The following KIZ variants were observed in gnomAD, a reference collection of about 807,000 sequenced individuals.
KIZ encodes the protein centrosomal protein kizuna.
Under a neutral mutation model 79.6 loss-of-function variants are expected in KIZ, and 68 were observed. The observed-to-expected ratio is 0.85, with a 90% CI of 0.70 to 1.05. The LOEUF (loss-of-function observed/expected upper bound fraction) is 1.05. KIZ is among the 50% of genes least tolerant of loss of function. KIZ has a pLI of 0.00. For missense variants in KIZ, 797 were observed against 800.4 expected, an observed-to-expected ratio of 1.00 and a Z score of 0.05; for synonymous variants, 280 against 281.8, an observed-to-expected ratio of 0.99 and a Z score of 0.06.
intron 10 of KIZ, among the ~76,000 whole-genome samples, chr20:21,231,534 A>C (rs1489942577): frequency 6.6e-6 from 1 of 152,162 alleles, no homozygotes; most frequent in Non-Finnish European, 1.5e-5. Flanking sequence ...ATTACACTAC[A>C]TGTTTTGCAA....
chr20:21,205,290 C>T (rs972585073), intron 6 of KIZ, among the ~76,000 whole-genome samples: 2 of 152,058 alleles, frequency 1.3e-5, no homozygotes, highest in African/African-American at 2.4e-5. Context: ...GTTGAGAATG[C>T]TCATTTAGCA....
intron 2 of KIZ, chr20:21,132,990 T>G (rs988187877): frequency 1.3e-5 from 2 of 152,248 alleles, no homozygotes; most frequent in South Asian, 4.1e-4. Flanking sequence ...GAGCAGATCT[T>G]AAATATTTTA....
At chr20:21,202,633 A>G (rs550950226) in intron 6 of KIZ, among the ~76,000 whole-genome samples, 106 of 152,222 alleles carry the variant, frequency 7.0e-4, no homozygotes, top group Non-Finnish European at 1.4e-3. Context: ...ACCTAGACTT[A>G]CTTTCTTTTC....
At position 21,169,382 on chromosome 20, in the gene KIZ, C is replaced by G. The variant is rs1268372989; in HGVS notation, c.1352+6223C>G. ...TGCAAATCAAAACCACAATGAGATA[C>G]CATCTCACACCAGTTAGAATGGCGA... On this transcript the variant is annotated intron_variant, in intron 6 of 12. Coordinates refer to ENST00000619189, the MANE Select transcript of KIZ (RefSeq NM_018474.6). 3.9e-5 allele frequency among the ~76,000 whole-genome samples: 6 copies of G among 151,998 alleles called. No homozygotes were observed. In the East Asian group the frequency reaches 5.8e-4, roughly 15 times the overall value.
At chr20:21,201,884 C>T (rs991893456) in intron 6 of KIZ, among the ~76,000 whole-genome samples, 1 of 152,212 alleles carries the variant, frequency 6.6e-6, no homozygotes, top group African/African-American at 2.4e-5. Flanking sequence ...ATGGCTGTTG[C>T]ACTTCTTGCC....
At chr20:21,140,985 G>A (rs1186552799) in intron 3 of KIZ, among the ~76,000 whole-genome samples, 2 of 151,832 alleles carry the variant, frequency 1.3e-5, no homozygotes, top group Non-Finnish European at 2.9e-5. Flanking sequence ...TAGCCCTGGC[G>A]ACAGAGCAAG....
chr20:21,201,783 A>G (rs1333591284), intron 6 of KIZ, among the ~76,000 whole-genome samples: 1 of 152,204 alleles, frequency 6.6e-6, no homozygotes, highest in East Asian at 1.9e-4. Context: ...AAAACAGAAA[A>G]ATCTCCTTTA....
rs934760178 is a variant in KIZ at position 21,204,683 on chromosome 20, C to T, written c.1353-808C>T. On this transcript the variant is annotated intron_variant, in intron 6 of 12. Coordinates refer to ENST00000619189, the MANE Select transcript of KIZ (RefSeq NM_018474.6). ...CAAGATGTTTCAGGTTCATCTTGTGCGTTTCCTGCCCCAGACCTGAATAGG... is the reference window on the plus strand; with the variant it reads ...CAAGATGTTTCAGGTTCATCTTGTGTGTTTCCTGCCCCAGACCTGAATAGG... Among the ~76,000 whole-genome samples, 16 of 152,182 alleles carry T rather than the reference C, an allele frequency of 1.1e-4. No individual in the cohort carries two copies. The South Asian group carries it at 3.1e-3, about 30-fold the overall frequency.
At position 21,136,570 on chromosome 20, in the gene KIZ, A is replaced by T; in HGVS notation, c.315+18A>T. 5.3e-6 allele frequency: 8 copies of T among 1,510,168 alleles called. No homozygotes were observed. The highest frequency in any genetic ancestry group is 7.1e-6 in the Non-Finnish European group (8 of 1,125,710). 93.5% of individuals were successfully genotyped at this position (1,510,168 alleles called of 1,614,324 possible). On this transcript the variant is annotated intron_variant, in intron 3 of 12. Coordinates refer to ENST00000619189, the MANE Select transcript of KIZ (RefSeq NM_018474.6). Reference sequence around the variant, plus strand: ...AACTGAAGGTGACTTCCTGTTTTTTACTGTGTTTTATTTTATTTGTTGTTG... The same window carrying T: ...AACTGAAGGTGACTTCCTGTTTTTTTCTGTGTTTTATTTTATTTGTTGTTG...
chr20:21,217,988 T>C (rs1204036197), intron 9 of KIZ, among the ~76,000 whole-genome samples: 1 of 152,136 alleles, frequency 6.6e-6, no homozygotes, highest in Non-Finnish European at 1.5e-5. Flanking sequence ...CCTGCATACC[T>C]TCCTTGAGTT....
At chr20:21,156,607 G>A (rs2033394083) in intron 4 of KIZ, among the ~76,000 whole-genome samples, 1 of 152,094 alleles carries the variant, frequency 6.6e-6, no homozygotes, top group Admixed American at 6.5e-5. Context: ...CTTATTATTG[G>A]CCCAATTGAC....
intron 3 of KIZ, 51 bp downstream of exon 3, chr20:21,136,603 T>G (rs998027763): frequency 2.9e-6 from 4 of 1,363,810 alleles, no homozygotes; most frequent in Admixed American, 5.8e-5. Flanking sequence ...TTGTGTGTTT[T>G]TTTTTTTTTC....
intron 4 of KIZ, among the ~76,000 whole-genome samples, chr20:21,156,787 G>T (rs1343453873): frequency 6.6e-6 from 1 of 151,924 alleles, no homozygotes; most frequent in South Asian, 2.1e-4. Context: ...CCCTCAAATG[G>T]TTCAGAAAAA....
intron 6 of KIZ, chr20:21,166,706 C>T: frequency 1.6e-6 from 1 of 621,564 alleles, no homozygotes; most frequent in South Asian, 2.0e-5. Context: ...GATCTGCCTG[C>T]CTCAGCTTCC....
chr20:21,190,613 A>G (rs16982558), intron 6 of KIZ, among the ~76,000 whole-genome samples: 2,215 of 152,272 alleles, frequency 0.015, 49 homozygotes, highest in African/African-American at 0.05. Context: ...TTGGTTCATT[A>G]GTTATATTTT....
intron 6 of KIZ, among the ~76,000 whole-genome samples, chr20:21,179,209 GT>G (rs34220269): frequency 0.59 from 76,709 of 129,674 alleles, 21,451 homozygotes; most frequent in Middle Eastern, 0.75. Context: ...GGGTTTTTTT[GT>G]TTTTTTTTTT....
chr20:21,178,280 G>A (rs1160459806), intron 6 of KIZ, among the ~76,000 whole-genome samples: 1 of 151,850 alleles, frequency 6.6e-6, no homozygotes, highest in Non-Finnish European at 1.5e-5. Flanking sequence ...TTTTAGCATG[G>A]AAGTCTTGTA....
At chr20:21,136,107 A>C (rs1267324436) in intron 2 of KIZ, among the ~76,000 whole-genome samples, 1 of 152,216 alleles carries the variant, frequency 6.6e-6, no homozygotes, top group African/African-American at 2.4e-5. Flanking sequence ...ATTTTGAGAA[A>C]TAAATCCATA....
chr20:21,161,990 A>G lies in KIZ; in HGVS notation c.525A>G (p.Thr175=), dbSNP rs2033684730. The stretch of plus-strand genomic sequence containing the variant: ...TCTTAAGCATGAGAGATTTCAGTAC[A>G]GAGCACAAATCTCCCCAGCCCACAA... ...SAILSMRDFS[T]EHKSPQPTKN... is the part of the protein sequence containing the mutation. The change falls in exon 5 of 13, where the codon ACA becomes ACG. Residue 175 remains threonine (T), a synonymous_variant. Coordinates refer to ENST00000619189, the MANE Select transcript of KIZ (RefSeq NM_018474.6). 6.2e-7 allele frequency: 1 copy of G among 1,613,906 alleles called. No individual in the cohort carries two copies. Among genetic ancestry groups the G allele is most frequent in the South Asian group, 1.1e-5 (1 of 91,092 alleles).
Sources: allele counts gnomAD v4.1 joint callset (sites outside exome capture counted in the v4.1 genomes callset), GRCh38; gene constraint gnomAD v4.1.1; transcripts MANE v1.5; gene names NCBI Gene and HGNC (gene_info 2026-07-23, HGNC 2026-07-21).